Variants in GRID2 observed in about 807,000 individuals in gnomAD.
GRID2 encodes glutamate receptor ionotropic, delta-2.
GRID2 carries 33 observed loss-of-function variants against 114.8 expected under a neutral mutation model. The observed-to-expected ratio is 0.29, with a 90% CI of 0.22 to 0.38. The LOEUF is 0.38. Ranked by LOEUF, GRID2 falls within the 10% of genes least tolerant of loss-of-function variation. The pLI is 1.00. For missense variants in GRID2, 1,184 were observed against 1,257.7 expected (o/e 0.94, Z 0.89); for synonymous variants, 505 against 449.9 (o/e 1.12, Z -1.55).
At chr4:92,673,783 T>C (rs1266907314) in intron 2 of GRID2, among the ~76,000 whole-genome samples, 1 of 151,854 alleles carries the variant, frequency 6.6e-6, no homozygotes, top group African/African-American at 2.4e-5. Context: ...TGAGAACACT[T>C]GGACACAGGG....
chr4:93,602,360 G>T (rs551322376), intron 13 of GRID2, among the ~76,000 whole-genome samples: 4 of 152,126 alleles, frequency 2.6e-5, no homozygotes, highest in Non-Finnish European at 5.9e-5. Flanking sequence ...AGTGTACCTT[G>T]TTTTATGGGG....
chr4:92,679,504 A>G (rs1733541153), intron 2 of GRID2, among the ~76,000 whole-genome samples: 1 of 152,080 alleles, frequency 6.6e-6, no homozygotes, highest in Non-Finnish European at 1.5e-5. Flanking sequence ...AGGTACTAAA[A>G]ATAAATAATT....
chr4:92,760,257 A>AAAAAG (rs1484506011), intron 2 of GRID2, among the ~76,000 whole-genome samples: 30 of 151,036 alleles, frequency 2.0e-4, no homozygotes, highest in East Asian at 2.0e-4. Flanking sequence ...AAAAAAAAAA[A>AAAAAG]AAAAGAAAAG....
At chr4:93,397,815 CTT>C (rs1765481381) in intron 9 of GRID2, among the ~76,000 whole-genome samples, 1 of 151,814 alleles carries the variant, frequency 6.6e-6, no homozygotes, top group Non-Finnish European at 1.5e-5. Flanking sequence ...TTAGATTACT[CTT>C]AATACCTAAT....
chr4:93,060,334 G>A (rs1027295221), intron 2 of GRID2, among the ~76,000 whole-genome samples: 2 of 152,038 alleles, frequency 1.3e-5, no homozygotes, highest in East Asian at 1.9e-4. Flanking sequence ...TCTCCTCCGG[G>A]TCCTCCCACA....
intron 4 of GRID2, among the ~76,000 whole-genome samples, chr4:93,124,289 A>G (rs1560904338): frequency 6.6e-6 from 1 of 152,134 alleles, no homozygotes; most frequent in Admixed American, 6.5e-5. Flanking sequence ...AAAATTATGC[A>G]CCTCTTTGAG....
chr4:92,703,820 C>G (rs1435356005), intron 2 of GRID2, among the ~76,000 whole-genome samples: 1 of 151,876 alleles, frequency 6.6e-6, no homozygotes, highest in Non-Finnish European at 1.5e-5. Context: ...AAATAATTTA[C>G]TCAAACTGGG....
At chr4:93,526,650 A>C (rs1227116220) in intron 13 of GRID2, among the ~76,000 whole-genome samples, 6 of 152,122 alleles carry the variant, frequency 3.9e-5, no homozygotes, top group Non-Finnish European at 8.8e-5. Context: ...TCTCTATTAA[A>C]AATATAAAAT....
intron 10 of GRID2, 103 bp downstream of exon 10, chr4:93,423,071 T>G: frequency 1.3e-6 from 1 of 773,680 alleles, no homozygotes; most frequent in Non-Finnish European, 2.1e-6. Flanking sequence ...TCATATAAAA[T>G]AAGTGTGATG....
Position 93,622,534 on chromosome 4 carries a change from T to A in GRID2, c.2194-3735T>A, listed in dbSNP as rs146510637. On this transcript the variant is annotated intron_variant, in intron 13 of 15. Coordinates refer to ENST00000282020, the MANE Select transcript of GRID2 (RefSeq NM_001510.4). ...AATCCCCTAGTAATTCTAATGGTGG[T>A]AGTCTTCGCATCACATTGTGAGAAA... Among the ~76,000 whole-genome samples the A allele has an allele frequency of 2.8e-4, 42 of 152,316 alleles. 1 individual carries two copies. Among genetic ancestry groups the A allele is most frequent in the Non-Finnish European group, 4.4e-4 (30 of 68,026 alleles).
At chr4:93,532,152 G>T (rs2149514773) in intron 13 of GRID2, among the ~76,000 whole-genome samples, 1 of 152,266 alleles carries the variant, frequency 6.6e-6, no homozygotes, top group East Asian at 1.9e-4. Flanking sequence ...GGGATAATGT[G>T]TGTTAAAATA....
chr4:92,718,442 G>T (rs1735648662), intron 2 of GRID2, among the ~76,000 whole-genome samples: 1 of 151,914 alleles, frequency 6.6e-6, no homozygotes, highest in Non-Finnish European at 1.5e-5. Context: ...ATTTATAGAT[G>T]CACACATTTA....
chr4:92,369,624 T>C (rs1729025884), intron 1 of GRID2, among the ~76,000 whole-genome samples: 2 of 152,150 alleles, frequency 1.3e-5, no homozygotes, highest in African/African-American at 4.8e-5. Context: ...CTAGCTAATA[T>C]ATTGCAAAAA....
intron 14 of GRID2, among the ~76,000 whole-genome samples, chr4:93,750,450 A>T (rs941964707): frequency 6.6e-6 from 1 of 152,194 alleles, no homozygotes; most frequent in Non-Finnish European, 1.5e-5. Context: ...AGTCACGTAC[A>T]ATTGGAAATA....
chr4:93,113,592 A>T (rs1395019475), intron 4 of GRID2, among the ~76,000 whole-genome samples: 3 of 152,226 alleles, frequency 2.0e-5, no homozygotes, highest in Non-Finnish European at 4.4e-5. Flanking sequence ...GACAACAAAG[A>T]TCCCATTCCT....
chr4:93,731,927 G>A lies in GRID2; in HGVS notation c.2361-37283G>A, dbSNP rs187497888. 3.3e-4 allele frequency among the ~76,000 whole-genome samples: 50 copies of A among 152,224 alleles called. No individual in the cohort carries two copies. In the East Asian group the frequency reaches 7.9e-3, roughly 24 times the overall value. On this transcript the variant is annotated intron_variant, in intron 14 of 15. Transcript: ENST00000282020. Reference sequence around the variant, plus strand: ...GCAGACTGAGAAACATCACAGACCCGTCTTCGCACAGAATCCAGCAAGGAT... The same window carrying A: ...GCAGACTGAGAAACATCACAGACCCATCTTCGCACAGAATCCAGCAAGGAT...
chr4:93,677,666 A>G (rs1725040211), intron 14 of GRID2, among the ~76,000 whole-genome samples: 1 of 152,140 alleles, frequency 6.6e-6, no homozygotes. Flanking sequence ...TACCCAGGCA[A>G]ACAGGGTCTG....
chr4:93,333,999 A>C (rs7672467), intron 8 of GRID2, among the ~76,000 whole-genome samples: 37,674 of 151,950 alleles, frequency 0.25, 7,713 homozygotes, highest in African/African-American at 0.56. Context: ...CAATAGATGC[A>C]GTTCCCTTGT....
chr4:92,844,836 T>A (rs940613342), intron 2 of GRID2, among the ~76,000 whole-genome samples: 6 of 152,168 alleles, frequency 3.9e-5, no homozygotes, highest in Non-Finnish European at 7.4e-5. Context: ...TAGCGTAGTA[T>A]TAAAAAGCTA....
Sources: gnomAD v4.1 joint callset for allele counts (sites outside exome capture counted in the v4.1 genomes callset) on GRCh38, gnomAD v4.1.1 for gene constraint, MANE v1.5 for transcripts, NCBI Gene and HGNC (gene_info 2026-07-23, HGNC 2026-07-21) for gene names.